Variants in CCSER1 observed in about 807,000 individuals in gnomAD.
CCSER1 encodes the protein serine-rich coiled-coil domain-containing protein 1.
In CCSER1, 41 loss-of-function variants were observed where a neutral mutation model predicts 82.0. The ratio of observed to expected loss-of-function variants is 0.50; its 90% CI spans 0.39 to 0.65. The LOEUF is 0.65. CCSER1 is among the 30% of genes least tolerant of loss of function. The pLI, the probability that CCSER1 is intolerant of heterozygous loss-of-function variation, is 0.00. For synonymous variants in CCSER1, 414 were observed against 383.9 expected, an observed-to-expected ratio of 1.08 and a Z score of -0.92; for missense variants, 1,119 against 1,064.2, an observed-to-expected ratio of 1.05 and a Z score of -0.72.
At chr4:91,277,795 A>AT (rs1262617353) in intron 10 of CCSER1, among the ~76,000 whole-genome samples, 3 of 150,436 alleles carry the variant, frequency 2.0e-5, no homozygotes, top group Non-Finnish European at 3.0e-5. Flanking sequence ...AAATCTTTCT[A>AT]TTTTTTTGAT....
intron 9 of CCSER1, among the ~76,000 whole-genome samples, chr4:90,982,129 C>T (rs774270194): frequency 4.0e-5 from 6 of 151,746 alleles, no homozygotes; most frequent in African/African-American, 7.3e-5. Flanking sequence ...GCTTAACAAA[C>T]GTTTCTTACA....
chr4:91,298,333 A>T (rs1282263913), intron 10 of CCSER1, among the ~76,000 whole-genome samples: 1 of 152,018 alleles, frequency 6.6e-6, no homozygotes, highest in East Asian at 1.9e-4. Context: ...GCAGAAAACC[A>T]CTGTGAACAT....
chr4:91,200,172 TC>T (rs1735792774), intron 10 of CCSER1, among the ~76,000 whole-genome samples: 1 of 96,702 alleles, frequency 1.0e-5, no homozygotes, highest in African/African-American at 4.3e-5. Flanking sequence ...CAGCCACTAT[TC>T]TTTTTAGTTG....
intron 5 of CCSER1, among the ~76,000 whole-genome samples, chr4:90,550,823 G>A (rs534259057): frequency 6.4e-4 from 97 of 152,114 alleles, no homozygotes; most frequent in South Asian, 2.9e-3. Context: ...GCAGTAAGTT[G>A]GGGGGAAAAG....
At chr4:91,304,105 A>G (rs1744870150) in intron 10 of CCSER1, among the ~76,000 whole-genome samples, 1 of 152,048 alleles carries the variant, frequency 6.6e-6, no homozygotes. Context: ...ACTGAAGGAA[A>G]AATTTACTAG....
At chr4:90,620,101 A>G (rs2148872359) in intron 5 of CCSER1, among the ~76,000 whole-genome samples, 1 of 152,300 alleles carries the variant, frequency 6.6e-6, no homozygotes, top group Non-Finnish European at 1.5e-5. Context: ...TAGGTGTAAA[A>G]ATAAAATTAA....
At chr4:90,192,696 G>A (rs1383760330) in intron 1 of CCSER1, among the ~76,000 whole-genome samples, 1 of 152,072 alleles carries the variant, frequency 6.6e-6, no homozygotes, top group Non-Finnish European at 1.5e-5. Flanking sequence ...ATTGCCAGTA[G>A]TGTATTGGCT....
chr4:90,230,849 C>T (rs865856863), intron 1 of CCSER1, among the ~76,000 whole-genome samples: 141 of 152,202 alleles, frequency 9.3e-4, no homozygotes, highest in African/African-American at 2.6e-3. Context: ...AACACCTCTA[C>T]GCAAATAAAC....
intron 3 of CCSER1, among the ~76,000 whole-genome samples, chr4:90,398,505 A>G (rs1397017584): frequency 1.3e-5 from 2 of 152,344 alleles, no homozygotes; most frequent in South Asian, 2.1e-4. Flanking sequence ...CACTCACATC[A>G]GTGTCTTCAC....
At position 91,333,491 on chromosome 4, in the gene CCSER1, C is replaced by T. The variant is rs368841738; in HGVS notation, c.2217+247497C>T. Among the ~76,000 whole-genome samples, 6 of 152,136 alleles carry T rather than the reference C, an allele frequency of 3.9e-5. No homozygotes were observed. The East Asian group carries it at 9.7e-4, about 25-fold the overall frequency. On this transcript the variant is annotated intron_variant, in intron 10 of 10. Transcript: ENST00000509176. ...ATATTCATTTGCTATCCCTTCCTCT[C>T]TCCATTATATAGGGCTAAAACATAA...
chr4:91,166,961 G>A (rs1281368341), intron 10 of CCSER1, among the ~76,000 whole-genome samples: 2 of 151,952 alleles, frequency 1.3e-5, no homozygotes, highest in East Asian at 3.9e-4. Flanking sequence ...ATATTAAATG[G>A]TGCAAATAAA....
Position 90,400,037 on chromosome 4 carries a change from A to G in CCSER1, c.1511A>G (p.Asp504Gly). The G allele has an allele frequency of 6.3e-7, 1 of 1,585,108 alleles. No homozygotes were observed. Among genetic ancestry groups the G allele is most frequent in the African/African-American group, 1.3e-5 (1 of 74,432 alleles). Residue 504 changes from aspartate to glycine, a missense_variant and splice_region_variant, in exon 4 of 11, where the codon GAT becomes GGT. Transcript: ENST00000509176. Reference protein sequence around the residue: ...GSSSSKMNSLDVLNNLGSCEL... With the variant: ...GSSSSKMNSLGVLNNLGSCEL... ...TTGTTGGTTTTGATTTTTCTTCAGG[A>G]TGTTTTGAATAATTTGGGATCTTGT...
chr4:91,141,313 G>A (rs989249152), intron 10 of CCSER1, among the ~76,000 whole-genome samples: 2 of 151,918 alleles, frequency 1.3e-5, no homozygotes, highest in African/African-American at 4.8e-5. Flanking sequence ...GCCACCACCT[G>A]ACTAATTTTT....
chr4:90,407,768 G>T (rs1210191493), intron 4 of CCSER1, among the ~76,000 whole-genome samples: 1 of 152,102 alleles, frequency 6.6e-6, no homozygotes, highest in East Asian at 1.9e-4. Context: ...ATCTCACGGG[G>T]GAGTGCTGGA....
At chr4:91,370,307 T>G (rs1292788699) in intron 10 of CCSER1, among the ~76,000 whole-genome samples, 1 of 152,200 alleles carries the variant, frequency 6.6e-6, no homozygotes, top group Non-Finnish European at 1.5e-5. Flanking sequence ...ACTCATGCTT[T>G]ACTGGATTAA....
chr4:90,571,417 A>C (rs1780103539), intron 5 of CCSER1, among the ~76,000 whole-genome samples: 1 of 152,224 alleles, frequency 6.6e-6, no homozygotes, highest in Non-Finnish European at 1.5e-5. Context: ...GAATGAAATC[A>C]CGTCAATCAT....
Position 90,940,994 on chromosome 4 carries a change from A to C in CCSER1, c.2172+17547A>C, listed in dbSNP as rs148697832. ...TACATATGCACATATATAATTGTGT[A>C]TTATGTATACATAATATTACTAAGC... On this transcript the variant is annotated intron_variant, in intron 9 of 10. Coordinates refer to ENST00000509176, the MANE Select transcript of CCSER1 (RefSeq NM_001145065.2). Among the ~76,000 whole-genome samples the C allele has an allele frequency of 5.3e-3, 814 of 152,246 alleles. 2 individuals are homozygous for C. Among genetic ancestry groups the C allele is most frequent in the Middle Eastern group, 0.024 (7 of 294 alleles).
At chr4:90,610,169 T>C (rs1785261286) in intron 5 of CCSER1, among the ~76,000 whole-genome samples, 1 of 151,538 alleles carries the variant, frequency 6.6e-6, no homozygotes, top group Admixed American at 6.6e-5. Context: ...AGGAGAATGG[T>C]GTGAACCCAG....
chr4:91,463,532 G>A (rs1402621356), intron 10 of CCSER1, among the ~76,000 whole-genome samples: 1 of 152,160 alleles, frequency 6.6e-6, no homozygotes, highest in Non-Finnish European at 1.5e-5. Flanking sequence ...GTTGAGAGAA[G>A]GCGTCAGACG....
Sources: gnomAD v4.1 joint callset for allele counts (sites outside exome capture counted in the v4.1 genomes callset) on GRCh38, gnomAD v4.1.1 for gene constraint, MANE v1.5 for transcripts, NCBI Gene and HGNC (gene_info 2026-07-23, HGNC 2026-07-21) for gene names.